VWA3B: variants seen among roughly 807,000 people sequenced by gnomAD.
VWA3B encodes von Willebrand factor A domain containing 3B.
VWA3B carries 138 observed loss-of-function variants against 158.3 expected under a neutral mutation model. The ratio of observed to expected loss-of-function variants is 0.87; its 90% CI spans 0.76 to 1.00. The LOEUF (loss-of-function observed/expected upper bound fraction) is 1.00, where lower values mean the gene tolerates loss of function less well. Ranked by LOEUF, VWA3B falls within the 50% of genes least tolerant of loss-of-function variation. The probability of loss-of-function intolerance (pLI) is 0.00; values close to 1 mark genes in which losing one functional copy is unlikely to be tolerated. For synonymous variants in VWA3B, 596 were observed against 587.3 expected, an observed-to-expected ratio of 1.01 and a Z score of -0.21; for missense variants, 1,555 against 1,565.1, an observed-to-expected ratio of 0.99 and a Z score of 0.11.
At chr2:98,099,180 T>G (rs1249169081) in intron 2 of VWA3B, 1 of 152,166 alleles carries the variant, frequency 6.6e-6, no homozygotes, top group Non-Finnish European at 1.5e-5. Context: ...GTTTTATACT[T>G]TTAGATGTTT....
At chr2:98,329,343 A>G in the VWA3B span, among the ~76,000 whole-genome samples, 1 of 152,228 alleles carries the variant, frequency 6.6e-6, no homozygotes, top group Non-Finnish European at 1.5e-5. Context: ...GTTTGTCTCC[A>G]TTAAAATTCG....
chr2:98,149,206 A>G (rs954917667), intron 7 of VWA3B, among the ~76,000 whole-genome samples: 1 of 152,242 alleles, frequency 6.6e-6, no homozygotes, highest in African/African-American at 2.4e-5. Flanking sequence ...TTTTTGGTGT[A>G]TTAAAGCCTT....
At chr2:98,121,233 A>T in intron 4 of VWA3B, 66 bp from the exon 5 acceptor site, 2 of 1,557,978 alleles carry the variant, frequency 1.3e-6, no homozygotes, top group South Asian at 1.2e-5. Flanking sequence ...TGGCTGTGAG[A>T]CGGAGGTTTG....
At chr2:98,177,564 CTT>C (rs748180130) in intron 8 of VWA3B, among the ~76,000 whole-genome samples, 1 of 147,468 alleles carries the variant, frequency 6.8e-6, no homozygotes. Flanking sequence ...GATTTCCCTC[CTT>C]TTTTTTTTTC....
At chr2:98,251,950 C>A (rs1443225705) in intron 20 of VWA3B, among the ~76,000 whole-genome samples, 2 of 152,160 alleles carry the variant, frequency 1.3e-5, no homozygotes, top group African/African-American at 4.8e-5. Context: ...ATGAGCATTT[C>A]TTTGGGAAGC....
intron 17 of VWA3B, among the ~76,000 whole-genome samples, chr2:98,235,309 C>T (rs1469950043): frequency 6.6e-6 from 1 of 152,192 alleles, no homozygotes; most frequent in Non-Finnish European, 1.5e-5. Flanking sequence ...CATATACACA[C>T]AATCCCCTAG....
intron 13 of VWA3B, chr2:98,216,928 A>T (rs1435191764): frequency 7.7e-7 from 1 of 1,302,946 alleles, no homozygotes; most frequent in Admixed American, 2.3e-5. Flanking sequence ...CCTTCATTCC[A>T]TACAGCTGAA....
chr2:98,279,355 C>T (rs922235012), intron 22 of VWA3B, among the ~76,000 whole-genome samples: 78 of 152,310 alleles, frequency 5.1e-4, no homozygotes, highest in African/African-American at 1.5e-3. Flanking sequence ...AAGCTAAAGG[C>T]ACCCTCCTCG....
chr2:98,310,580 T>G (rs1166221660), intron 26 of VWA3B, among the ~76,000 whole-genome samples: 1 of 152,206 alleles, frequency 6.6e-6, no homozygotes, highest in African/African-American at 2.4e-5. Flanking sequence ...TGTATCAACT[T>G]ATTCTGCTCT....
At chr2:98,143,020 A>G (rs1039410312) in intron 7 of VWA3B, among the ~76,000 whole-genome samples, 1 of 152,194 alleles carries the variant, frequency 6.6e-6, no homozygotes, top group Non-Finnish European at 1.5e-5. Context: ...TAATACGTAT[A>G]TGTTGAGTTA....
At chr2:98,317,869 G>A (rs1574339716), downstream of VWA3B, among the ~76,000 whole-genome samples, 1 of 152,164 alleles carries the variant, frequency 6.6e-6, no homozygotes, top group East Asian at 1.9e-4. Context: ...ATATTTTACA[G>A]AGTTTAACTC....
chr2:98,106,117 G>A (rs947813114), intron 2 of VWA3B, among the ~76,000 whole-genome samples: 11 of 152,002 alleles, frequency 7.2e-5, no homozygotes, highest in South Asian at 2.1e-4. Context: ...GTGTTTCATC[G>A]TGTTAGCCAG....
chr2:98,222,793 C>T (rs1684618651), intron 14 of VWA3B, among the ~76,000 whole-genome samples: 2 of 152,178 alleles, frequency 1.3e-5, no homozygotes, highest in Admixed American at 6.5e-5. Flanking sequence ...ATCAAACTGC[C>T]GTTGGAGCAA....
At position 98,228,211 on chromosome 2, in the gene VWA3B, C is replaced by A; in HGVS notation, c.2029C>A (p.Leu677Met). The A allele has an allele frequency of 6.2e-7, 1 of 1,611,390 alleles. No homozygotes were observed. ...CTTCTCATTTTGGCAGAATGAAGAT[C>A]TGACTCTTTTAGTTAAGGAAATGGA... is the stretch of plus-strand genomic sequence containing the variant. ...TPPEAVQNEDLTLLVKEMEQG... is the reference protein window; with the variant it reads ...TPPEAVQNEDMTLLVKEMEQG... Residue 677 changes from leucine (L) to methionine (M), a missense_variant, in exon 15 of 28, where the codon CTG becomes ATG. Transcript: ENST00000477737.
At chr2:98,253,732 A>T (rs1686947535) in intron 20 of VWA3B, among the ~76,000 whole-genome samples, 1 of 152,110 alleles carries the variant, frequency 6.6e-6, no homozygotes, top group South Asian at 2.1e-4. Context: ...GCACAAGCTG[A>T]TGTGAGAATT....
chr2:98,104,399 G>A (rs1223124148), intron 2 of VWA3B, among the ~76,000 whole-genome samples: 4 of 152,190 alleles, frequency 2.6e-5, no homozygotes, highest in Non-Finnish European at 5.9e-5. Context: ...CACATGTCAA[G>A]AGAGAAGGCA....
chr2:98,296,750 A>G (rs1290681803), intron 23 of VWA3B, among the ~76,000 whole-genome samples: 9 of 152,188 alleles, frequency 5.9e-5, no homozygotes, highest in Admixed American at 5.2e-4. Context: ...CAATGTCATC[A>G]TCTCCCCCTT....
intron 24 of VWA3B, 43 bp from the exon 25 acceptor site, chr2:98,300,036 A>G (rs771000505): frequency 1.2e-6 from 2 of 1,613,690 alleles, no homozygotes; most frequent in African/African-American, 1.3e-5. Context: ...CATTGTCTGT[A>G]CAATCCATAA....
chr2:98,100,348 G>T (rs1260212232), intron 2 of VWA3B, among the ~76,000 whole-genome samples: 1 of 152,230 alleles, frequency 6.6e-6, no homozygotes, highest in Non-Finnish European at 1.5e-5. Flanking sequence ...CTGGCACAGT[G>T]CTGGGTTAGA....
Sources: allele counts gnomAD v4.1 joint callset (sites outside exome capture counted in the v4.1 genomes callset), GRCh38; gene constraint gnomAD v4.1.1; transcripts MANE v1.5; gene names NCBI Gene and HGNC (gene_info 2026-07-23, HGNC 2026-07-21).